Variants in PPP4R2 observed in about 807,000 individuals in gnomAD.
PPP4R2 encodes the protein protein phosphatase 4 regulatory subunit 2.
In PPP4R2, 13 loss-of-function variants were observed where a neutral mutation model predicts 47.2. The ratio of observed to expected loss-of-function variants is 0.28; its 90% CI spans 0.18 to 0.44. The LOEUF (loss-of-function observed/expected upper bound fraction) is 0.44, where lower values mean the gene tolerates loss of function less well. PPP4R2 is among the 20% of genes least tolerant of loss of function. PPP4R2 has a pLI of 1.00. For synonymous variants in PPP4R2, 151 were observed against 163.3 expected (o/e 0.92, Z 0.57); for missense variants, 421 against 491.2 (o/e 0.86, Z 1.35).
At chr3:73,062,953 A>G (rs1702901386) in intron 5 of PPP4R2, 1 of 1,491,134 alleles carries the variant, frequency 6.7e-7, no homozygotes, top group Non-Finnish European at 9.3e-7. Flanking sequence ...ATGTTTCTAG[A>G]TCAGTGCATG....
At chr3:72,999,300 C>A (rs927804118) in intron 2 of PPP4R2, among the ~76,000 whole-genome samples, 1 of 152,154 alleles carries the variant, frequency 6.6e-6, no homozygotes, top group Non-Finnish European at 1.5e-5. Flanking sequence ...TATAGAACAT[C>A]TTGATTTAGA....
At chr3:73,042,357 ATTTCTT>A (rs1386449915) in intron 2 of PPP4R2, among the ~76,000 whole-genome samples, 1 of 126,716 alleles carries the variant, frequency 7.9e-6, no homozygotes, top group Admixed American at 9.2e-5. Flanking sequence ...CCTGAATATA[ATTTCTT>A]TTTTTTTTTT....
rs898216831 is a variant in PPP4R2, at chr3:73,047,506, C to G, written c.287+150C>G. 5.7e-6 allele frequency: 3 copies of G among 524,322 alleles called. No individual in the cohort carries two copies. In the African/African-American group the frequency reaches 6.0e-5, roughly 10 times the overall value. 32.5% of individuals were successfully genotyped at this position (524,322 alleles called of 1,614,324 possible). ...ACATGTAGTAGTTGATGATTTTTAG[C>G]TTACAACTATTTAAAATATTTGTAG... On this transcript the variant is annotated intron_variant, in intron 3 of 8. Coordinates refer to ENST00000356692, the MANE Select transcript of PPP4R2 (RefSeq NM_174907.4).
At chr3:73,010,333 C>T (rs541914282) in intron 2 of PPP4R2, among the ~76,000 whole-genome samples, 2 of 151,522 alleles carry the variant, frequency 1.3e-5, no homozygotes, top group South Asian at 2.1e-4. Context: ...AATGATCCTC[C>T]TGCCTCAGCC....
chr3:73,034,742 A>C (rs1187684952), intron 2 of PPP4R2, among the ~76,000 whole-genome samples: 2 of 152,088 alleles, frequency 1.3e-5, no homozygotes, highest in East Asian at 3.9e-4. Flanking sequence ...TATGTTGCCC[A>C]GGCTGGACTC....
At chr3:73,006,137 T>A (rs1327633802) in intron 2 of PPP4R2, among the ~76,000 whole-genome samples, 1 of 151,878 alleles carries the variant, frequency 6.6e-6, no homozygotes, top group Non-Finnish European at 1.5e-5. Flanking sequence ...CTATTCAACA[T>A]AGTTTGTATT....
intron 2 of PPP4R2, among the ~76,000 whole-genome samples, chr3:73,010,740 A>G (rs927286672): frequency 6.6e-6 from 1 of 151,856 alleles, no homozygotes; most frequent in Non-Finnish European, 1.5e-5. Context: ...TTAGTACACC[A>G]TGTTGGCCAG....
chr3:73,008,260 G>A (rs1701653534), intron 2 of PPP4R2, among the ~76,000 whole-genome samples: 1 of 152,160 alleles, frequency 6.6e-6, no homozygotes, highest in East Asian at 1.9e-4. Flanking sequence ...TAGATTTTCA[G>A]TAAATATAAG....
At chr3:73,033,783 C>T (rs1035084301) in intron 2 of PPP4R2, among the ~76,000 whole-genome samples, 8 of 152,114 alleles carry the variant, frequency 5.3e-5, no homozygotes, top group Non-Finnish European at 7.4e-5. Flanking sequence ...TAAAATATTT[C>T]GTGTCTGGCT....
intron 2 of PPP4R2, among the ~76,000 whole-genome samples, chr3:73,038,664 G>T (rs1463308148): frequency 2.6e-5 from 4 of 152,130 alleles, no homozygotes; most frequent in African/African-American, 9.7e-5. Flanking sequence ...TTCTATAAGG[G>T]CTCAAAGGCT....
At chr3:73,014,581 A>AACTACTGCACCC (rs1701786006) in intron 2 of PPP4R2, among the ~76,000 whole-genome samples, 1 of 152,152 alleles carries the variant, frequency 6.6e-6, no homozygotes, top group Non-Finnish European at 1.5e-5. Context: ...TACAGGCATG[A>AACTACTGCACCC]GCCATTGTGC....
At position 73,062,660 on chromosome 3, in the gene PPP4R2, T is replaced by G. The variant is rs762161657; in HGVS notation, c.420-1013T>G. The G allele has an allele frequency of 1.9e-6, 3 of 1,613,962 alleles. No homozygotes were observed. In the South Asian group the frequency reaches 3.3e-5, roughly 18 times the overall value. ...ACTGCTGTGACCTTTTGATAGGCAT[T>G]GCGGCTGGATCAAGTGATAAGATTT... On this transcript the variant is annotated intron_variant, in intron 5 of 8. Coordinates refer to ENST00000356692, the MANE Select transcript of PPP4R2 (RefSeq NM_174907.4).
intron 2 of PPP4R2, among the ~76,000 whole-genome samples, chr3:73,015,566 C>T (rs1338929219): frequency 6.6e-6 from 1 of 151,832 alleles, no homozygotes; most frequent in Non-Finnish European, 1.5e-5. Context: ...ACCTCTGCCT[C>T]CCTGGTTCGA....
Position 72,997,245 on chromosome 3 carries a change from T to A in PPP4R2, c.34+174T>A, listed in dbSNP as rs539639672. The A allele has an allele frequency of 6.8e-6, 3 of 439,570 alleles. No individual in the cohort carries two copies. The East Asian group carries it at 1.1e-4, about 16-fold the overall frequency. 27.2% of individuals were successfully genotyped at this position (439,570 alleles called of 1,614,324 possible). ...GCGGGGAGCCCTGTGGGCAGCTCTC[T>A]CCCGCCCCGCTCTGGCTTTGTGTCG... On this transcript the variant is annotated intron_variant, in intron 1 of 8. Transcript: ENST00000356692.
chr3:73,042,099 A>G (rs536776383), intron 2 of PPP4R2, among the ~76,000 whole-genome samples: 4 of 152,280 alleles, frequency 2.6e-5, no homozygotes, highest in East Asian at 3.9e-4. Context: ...TATTGAGTTA[A>G]TTTCAGTAAA....
intron 2 of PPP4R2, among the ~76,000 whole-genome samples, chr3:73,023,090 T>G (rs745603127): frequency 1.3e-5 from 2 of 152,174 alleles, no homozygotes; most frequent in African/African-American, 2.4e-5. Context: ...TGTGACTGTT[T>G]AAGAGATTTT....
At chr3:73,022,071 A>G (rs1164609781) in intron 2 of PPP4R2, among the ~76,000 whole-genome samples, 1 of 151,182 alleles carries the variant, frequency 6.6e-6, no homozygotes, top group African/African-American at 2.4e-5. Context: ...TAGTTTTTGT[A>G]TTTTTGGTGG....
chr3:72,997,554 G>C (rs1701376144), intron 1 of PPP4R2: 7 of 165,238 alleles, frequency 4.2e-5, no homozygotes, highest in Admixed American at 3.9e-4. Flanking sequence ...ATTTCGAGGT[G>C]GTTGCCTTCA....
At chr3:73,042,103 C>T (rs1376312708) in intron 2 of PPP4R2, among the ~76,000 whole-genome samples, 1 of 152,050 alleles carries the variant, frequency 6.6e-6, no homozygotes, top group Non-Finnish European at 1.5e-5. Context: ...GAGTTAATTT[C>T]AGTAAAGTAG....
Sources: gnomAD v4.1 joint callset for allele counts (sites outside exome capture counted in the v4.1 genomes callset) on GRCh38, gnomAD v4.1.1 for gene constraint, MANE v1.5 for transcripts, NCBI Gene and HGNC (gene_info 2026-07-23, HGNC 2026-07-21) for gene names.